The following SSBP3 variants were observed in gnomAD, a reference collection of about 807,000 sequenced individuals.
The protein encoded by SSBP3 is single stranded DNA binding protein 3, also known as single-stranded DNA-binding protein 3.
A neutral mutation model predicts 69.6 loss-of-function variants in SSBP3; 5 were observed. That is an observed-to-expected ratio of 0.07 (90% CI 0.04 to 0.15). The LOEUF (loss-of-function observed/expected upper bound fraction) is 0.15, where lower values mean the gene tolerates loss of function less well. Among genes scored for constraint, SSBP3 ranks in the 10% least tolerant of loss-of-function variants. SSBP3 has a pLI of 1.00. For missense variants in SSBP3, 312 were observed against 534.0 expected (o/e 0.58, Z 4.10); for synonymous variants, 196 against 193.4 (o/e 1.01, Z -0.11).
rs185970254 is a variant in SSBP3 at position 54,261,014 on chromosome 1, C to T, written c.367-2865G>A. Among the ~76,000 whole-genome samples the T allele has an allele frequency of 1.4e-4, 22 of 152,334 alleles. No individual in the cohort carries two copies. In the East Asian group the frequency reaches 3.9e-3, roughly 27 times the overall value. ...CCACCTCTCGGCACAGAGCCAGACG[C>T]CTGCCATTTCCCAACGGGCCACCCA... is the stretch of plus-strand genomic sequence containing the variant. On this transcript the variant is annotated intron_variant, in intron 5 of 17. Coordinates refer to ENST00000610401, the Ensembl canonical transcript of SSBP3.
intron 4 of SSBP3, among the ~76,000 whole-genome samples, chr1:54,314,398 A>G (rs1208832937): frequency 6.6e-6 from 1 of 152,204 alleles, no homozygotes; most frequent in Admixed American, 6.5e-5. Context: ...TGAGATCCAG[A>G]AGAAGGGCAC....
In SSBP3 at chr1:54,258,006, C is replaced by A. The variant is rs774033427; in HGVS notation, c.447+63G>T. The A allele has an allele frequency of 4.7e-6, 7 of 1,482,560 alleles. No individual in the cohort carries two copies. The highest frequency in any genetic ancestry group is 4.8e-4 in the Middle Eastern group (2 of 4,206). The allele number at this position is 1,482,560 out of a possible 1,614,324, so 91.8% of individuals were successfully genotyped here. ...CATTTTGATTTTTGTTTTTCCTCTG[C>A]GGGCTCTCTGCTTCCTCCGCGCCCC... On this transcript the variant is annotated intron_variant, in intron 6 of 17. Transcript: ENST00000610401. The surrounding 1 kb of genome is among the most constrained non-coding windows in gnomAD (Gnocchi z 4.5).
intron 4 of SSBP3, among the ~76,000 whole-genome samples, chr1:54,292,769 A>G (rs1645631709): frequency 6.6e-6 from 1 of 152,072 alleles, no homozygotes; most frequent in Non-Finnish European, 1.5e-5. Flanking sequence ...GTGTGTGTGT[A>G]TGTACATGTG....
intron 4 of SSBP3, among the ~76,000 whole-genome samples, chr1:54,372,897 A>G (rs994333419): frequency 6.6e-6 from 1 of 152,266 alleles, no homozygotes; most frequent in Non-Finnish European, 1.5e-5. Context: ...TGACTCCAGC[A>G]GACCCTATGC....
intron 4 of SSBP3, among the ~76,000 whole-genome samples, chr1:54,309,251 C>A (rs1315461998): frequency 6.6e-6 from 1 of 152,196 alleles, no homozygotes; most frequent in East Asian, 1.9e-4. Context: ...ATGAGCCCTG[C>A]CCTGAGGCCA....
chr1:54,289,037 C>CAAAAAAAAAAAAAAAAAAAAAA, intron 4 of SSBP3, among the ~76,000 whole-genome samples: 1 of 62,060 alleles, frequency 1.6e-5, no homozygotes, highest in Non-Finnish European at 3.0e-5. Flanking sequence ...AAAAAAAAAA[C>CAAAAAAAAAAAAAAAAAAAAAA]AAAAAAACAA....
chr1:54,408,318 G>A (rs1649906000), upstream of SSBP3, among the ~76,000 whole-genome samples: 1 of 152,142 alleles, frequency 6.6e-6, no homozygotes, highest in African/African-American at 2.4e-5. Context: ...TCCCCTAGGC[G>A]GTTTAATTTA....
intron 4 of SSBP3, among the ~76,000 whole-genome samples, chr1:54,401,175 T>C (rs1031172524): frequency 5.9e-5 from 9 of 152,164 alleles, no homozygotes; most frequent in Admixed American, 2.0e-4. Context: ...GGGAGATGAA[T>C]AGATGGCAGA....
chr1:54,294,696 G>GC (rs1645673524), intron 4 of SSBP3, among the ~76,000 whole-genome samples: 1 of 152,142 alleles, frequency 6.6e-6, no homozygotes, highest in South Asian at 2.1e-4. Context: ...CTCTCGGCCA[G>GC]CCTCCCTTCC....
chr1:54,281,601 T>C (rs1023591700), intron 4 of SSBP3, 74 bp from the exon 5 acceptor site: 3 of 1,353,210 alleles, frequency 2.2e-6, no homozygotes, highest in Non-Finnish European at 3.1e-6. Context: ...CCCCTGGACT[T>C]GGCTCTCCCT....
Position 54,322,723 on chromosome 1 carries a change from AC to A in SSBP3, c.277-41197del, listed in dbSNP as rs569926198. 1.2e-4 allele frequency among the ~76,000 whole-genome samples: 18 copies of A among 151,832 alleles called. No homozygotes were observed. The East Asian group carries it at 3.3e-3, about 28-fold the overall frequency. Reference sequence around the variant, plus strand: ...CAAGCAACAACTCACCTGTCTCCCTACCCCCCAACCCCGGCACCTCAACCAA... The same window carrying A: ...CAAGCAACAACTCACCTGTCTCCCTACCCCCAACCCCGGCACCTCAACCAA... On this transcript the variant is annotated intron_variant, in intron 4 of 17. Transcript: ENST00000610401.
intron 4 of SSBP3, among the ~76,000 whole-genome samples, chr1:54,310,655 C>T (rs1645985337): frequency 6.6e-6 from 1 of 151,772 alleles, no homozygotes; most frequent in African/African-American, 2.4e-5. Flanking sequence ...CTGCAAAGCA[C>T]CAGCCCAGAC....
chr1:54,350,040 C>T (rs1646756498), intron 4 of SSBP3, among the ~76,000 whole-genome samples: 1 of 152,158 alleles, frequency 6.6e-6, no homozygotes, highest in Non-Finnish European at 1.5e-5. Context: ...ATTTCCACCT[C>T]TATTGGCTGT....
chr1:54,316,673 T>TAA (rs1557525489), intron 4 of SSBP3, among the ~76,000 whole-genome samples: 8 of 72,440 alleles, frequency 1.1e-4, no homozygotes, highest in African/African-American at 6.0e-4. Context: ...AATAAATAAA[T>TAA]AAATAAATAA....
intron 4 of SSBP3, among the ~76,000 whole-genome samples, chr1:54,335,326 T>C (rs1646489885): frequency 6.6e-6 from 1 of 152,244 alleles, no homozygotes; most frequent in Non-Finnish European, 1.5e-5. Context: ...ATTTATTACA[T>C]TCCGACAATG....
intron 14 of SSBP3, 157 bp from the exon 15 acceptor site, chr1:54,228,983 G>T: frequency 1.4e-6 from 1 of 740,110 alleles, no homozygotes; most frequent in South Asian, 1.8e-5. Flanking sequence ...TGGCAGCTGG[G>T]CCAGGGTCCT....
At chr1:54,227,186 G>GGC (rs71066908) in intron 17 of SSBP3, 26 bp from the exon 18 acceptor site, 177,948 of 1,143,488 alleles carry the variant, frequency 0.16, 26,453 homozygotes, top group South Asian at 0.25. Flanking sequence ...AGAGAAGGGG[G>GGC]GGGGGTGAGG....
At chr1:54,395,571 G>A (rs188738358) in intron 4 of SSBP3, among the ~76,000 whole-genome samples, 270 of 152,302 alleles carry the variant, frequency 1.8e-3, no homozygotes, top group Non-Finnish European at 2.9e-3. Flanking sequence ...TGACAGCAGG[G>A]ACGGGCGGTG....
chr1:54,369,870 C>T (rs1417388775), intron 4 of SSBP3, among the ~76,000 whole-genome samples: 1 of 152,148 alleles, frequency 6.6e-6, no homozygotes, highest in Admixed American at 6.5e-5. Flanking sequence ...CACAACATTG[C>T]TCCATTTTTT....
Sources: allele counts gnomAD v4.1 joint callset (sites outside exome capture counted in the v4.1 genomes callset), GRCh38; gene constraint gnomAD v4.1.1; non-coding constraint Gnocchi (gnomAD v3.1); transcripts MANE v1.5; gene names NCBI Gene and HGNC (gene_info 2026-07-23, HGNC 2026-07-21).